The following PDSS2 variants were observed in gnomAD, a reference collection of about 807,000 sequenced individuals.
PDSS2 encodes the protein all trans-polyprenyl-diphosphate synthase PDSS2.
Under a neutral mutation model 44.5 loss-of-function variants are expected in PDSS2, and 31 were observed. The ratio of observed to expected loss-of-function variants is 0.70; its 90% CI spans 0.52 to 0.94. The LOEUF is 0.94. Among genes scored for constraint, PDSS2 ranks in the 40% least tolerant of loss-of-function variants. The pLI is 0.00. For missense variants in PDSS2, 452 were observed against 482.2 expected, an observed-to-expected ratio of 0.94 and a Z score of 0.59; for synonymous variants, 157 against 180.3, an observed-to-expected ratio of 0.87 and a Z score of 1.03.
At chr6:107,327,453 A>C (rs1411538995) in intron 2 of PDSS2, among the ~76,000 whole-genome samples, 1 of 152,212 alleles carries the variant, frequency 6.6e-6, no homozygotes, top group African/African-American at 2.4e-5. Context: ...GGAAAAATAA[A>C]ATAAACTTTT....
intron 1 of PDSS2, among the ~76,000 whole-genome samples, chr6:107,420,129 T>TA (rs2114696219): frequency 6.6e-6 from 1 of 152,340 alleles, no homozygotes; most frequent in African/African-American, 2.4e-5. Flanking sequence ...TATTTATACT[T>TA]AAAACTGATA....
At chr6:107,330,928 G>C (rs1174528423) in intron 2 of PDSS2, among the ~76,000 whole-genome samples, 1 of 152,094 alleles carries the variant, frequency 6.6e-6, no homozygotes, top group East Asian at 1.9e-4. Flanking sequence ...TAGTTCACTA[G>C]ACATCCACAG....
At position 107,400,350 on chromosome 6, in the gene PDSS2, C is replaced by T. The variant is rs574658056; in HGVS notation, c.296+58640G>A. Among the ~76,000 whole-genome samples, 8 of 152,288 alleles carry T rather than the reference C, an allele frequency of 5.3e-5. No individual in the cohort carries two copies. The East Asian group carries it at 1.5e-3, about 29-fold the overall frequency. The stretch of plus-strand genomic sequence containing the variant: ...TGGACTGGCATTTGTGATCTAGTCT[C>T]AAGCGGGGAGGACACCCCACAGTCA... On this transcript the variant is annotated intron_variant, in intron 1 of 7. Coordinates refer to ENST00000369037, the MANE Select transcript of PDSS2 (RefSeq NM_020381.4).
At chr6:107,272,148 C>T (rs760070723) in intron 3 of PDSS2, among the ~76,000 whole-genome samples, 1 of 150,446 alleles carries the variant, frequency 6.6e-6, no homozygotes, top group African/African-American at 2.4e-5. Context: ...TCTCAGAATA[C>T]TATTACATTA....
chr6:107,208,442 G>A (rs1175574301), intron 6 of PDSS2, among the ~76,000 whole-genome samples: 5 of 151,110 alleles, frequency 3.3e-5, no homozygotes, highest in Admixed American at 1.3e-4. Flanking sequence ...GATTACAGGC[G>A]TGCACCACCA....
chr6:107,333,579 G>A (rs947326489), intron 2 of PDSS2, among the ~76,000 whole-genome samples: 2 of 152,016 alleles, frequency 1.3e-5, no homozygotes, highest in African/African-American at 4.8e-5. Flanking sequence ...CTGTTACCCA[G>A]GCTGGAGGGC....
rs558461757 is a variant in PDSS2 at position 107,264,668 on chromosome 6, G to A, written c.630+9361C>T. Among the ~76,000 whole-genome samples, 3 of 152,292 alleles carry A rather than the reference G, an allele frequency of 2.0e-5. No individual in the cohort carries two copies. In the East Asian group the frequency reaches 5.8e-4, roughly 29 times the overall value. On this transcript the variant is annotated intron_variant, in intron 3 of 7. Transcript: ENST00000369037. ...TGGCTTAATCCTAAATACAAACCCA[G>A]TCTAAATAAATACAAAGACCAGAGG...
At chr6:107,274,439 C>A (rs1385806091) in intron 2 of PDSS2, among the ~76,000 whole-genome samples, 1 of 151,948 alleles carries the variant, frequency 6.6e-6, no homozygotes, top group Non-Finnish European at 1.5e-5. Flanking sequence ...TGTAATACTC[C>A]TCACTCTTCC....
At chr6:107,326,567 T>A (rs768295972) in intron 2 of PDSS2, among the ~76,000 whole-genome samples, 1 of 151,948 alleles carries the variant, frequency 6.6e-6, no homozygotes, top group African/African-American at 2.4e-5. Context: ...AAAATAGTTG[T>A]TTTGGCTGGG....
At chr6:107,362,008 T>C (rs186039229) in intron 1 of PDSS2, among the ~76,000 whole-genome samples, 1 of 152,322 alleles carries the variant, frequency 6.6e-6, no homozygotes, top group Admixed American at 6.5e-5. Flanking sequence ...AAGACTGCAC[T>C]TGATTTTGAG....
At chr6:107,396,965 T>C (rs1279568575) in intron 1 of PDSS2, among the ~76,000 whole-genome samples, 2 of 152,154 alleles carry the variant, frequency 1.3e-5, no homozygotes, top group Non-Finnish European at 2.9e-5. Context: ...GTGTTGGGGT[T>C]ACAGGTGTAA....
chr6:107,340,392 C>A (rs1778044570), intron 1 of PDSS2, among the ~76,000 whole-genome samples: 1 of 152,170 alleles, frequency 6.6e-6, no homozygotes, highest in Non-Finnish European at 1.5e-5. Flanking sequence ...CTTTAGATGG[C>A]TGACTGCAGT....
At chr6:107,446,813 C>T (rs1019868896) in intron 1 of PDSS2, among the ~76,000 whole-genome samples, 1 of 151,896 alleles carries the variant, frequency 6.6e-6, no homozygotes, top group Non-Finnish European at 1.5e-5. Flanking sequence ...CACCAGTTCC[C>T]TCCCATGACA....
At chr6:107,194,556 G>C (rs1413694632) in intron 6 of PDSS2, among the ~76,000 whole-genome samples, 2 of 152,158 alleles carry the variant, frequency 1.3e-5, no homozygotes, top group African/African-American at 4.8e-5. Context: ...AGGCTGCTAA[G>C]ATTTAGGTTA....
chr6:107,383,987 A>G (rs191083631), intron 1 of PDSS2, among the ~76,000 whole-genome samples: 214 of 152,360 alleles, frequency 1.4e-3, no homozygotes, highest in African/African-American at 4.9e-3. Context: ...AAGCATTTTC[A>G]TAACAGCCCA....
intron 2 of PDSS2, among the ~76,000 whole-genome samples, chr6:107,324,777 A>C (rs1372663242): frequency 6.6e-6 from 1 of 152,196 alleles, no homozygotes; most frequent in African/African-American, 2.4e-5. Flanking sequence ...TAACATGATC[A>C]ACATGTTCTG....
intron 7 of PDSS2, among the ~76,000 whole-genome samples, chr6:107,158,186 C>CT (rs35734800): frequency 0.036 from 4,930 of 136,706 alleles, 285 homozygotes; most frequent in African/African-American, 0.13. Flanking sequence ...GGTTTTCTTT[C>CT]TTTTTTTTTT....
At chr6:107,264,514 T>C in intron 3 of PDSS2, 2 of 1,508,344 alleles carry the variant, frequency 1.3e-6, no homozygotes, top group Non-Finnish European at 9.0e-7. Flanking sequence ...TGAAAATGAC[T>C]ACAAAGAAAA....
At chr6:107,412,528 C>T (rs985913044) in intron 1 of PDSS2, among the ~76,000 whole-genome samples, 5 of 152,220 alleles carry the variant, frequency 3.3e-5, no homozygotes, top group Admixed American at 6.5e-5. Context: ...GTGTGAAACA[C>T]TGTGCCCAGC....
Sources: gnomAD v4.1 joint callset for allele counts (sites outside exome capture counted in the v4.1 genomes callset) on GRCh38, gnomAD v4.1.1 for gene constraint, MANE v1.5 for transcripts, NCBI Gene and HGNC (gene_info 2026-07-23, HGNC 2026-07-21) for gene names.